CROCC: variants seen among roughly 807,000 people sequenced by gnomAD.
CROCC encodes rootletin.
CROCC carries 180 observed loss-of-function variants against 245.2 expected under a neutral mutation model. That is an observed-to-expected ratio of 0.73 (90% CI 0.65 to 0.83). CROCC has a LOEUF of 0.83. Ranked by LOEUF, CROCC falls within the 40% of genes least tolerant of loss-of-function variation. The probability of loss-of-function intolerance (pLI) is 0.00; values close to 1 mark genes in which losing one functional copy is unlikely to be tolerated. For missense variants in CROCC, 2,688 were observed against 2,779.4 expected (o/e 0.97, Z 0.74); for synonymous variants, 1,205 against 1,241.6 (o/e 0.97, Z 0.62).
chr1:16,970,348 C>T lies in CROCC; in HGVS notation c.5547C>T (p.Ser1849=), dbSNP rs927841146. The T allele has an allele frequency of 6.3e-7, 1 of 1,592,808 alleles. No individual in the cohort carries two copies. The highest frequency in any genetic ancestry group is 1.8e-5 in the Admixed American group (1 of 56,874). ...ERRLLQERLG[S]LQRALAQLEA... ...GGCTGCTGCAGGAGCGCCTGGGAAGCCTGCAGCGCGCCCTGGCTCAGCTGG... is the reference window on the plus strand; with the variant it reads ...GGCTGCTGCAGGAGCGCCTGGGAAGTCTGCAGCGCGCCCTGGCTCAGCTGG... The change falls in exon 34 of 37, where the codon AGC becomes AGT. Residue 1849 remains serine, a synonymous_variant. Coordinates refer to ENST00000375541, the MANE Select transcript of CROCC (RefSeq NM_014675.5).
intron 1 of CROCC, among the ~76,000 whole-genome samples, chr1:16,914,195 G>T (rs1284636505): frequency 2.0e-5 from 3 of 151,792 alleles, no homozygotes; most frequent in African/African-American, 7.2e-5. Context: ...TCCCGGCGGA[G>T]GAGGCCGCGC....
intron 13 of CROCC, among the ~76,000 whole-genome samples, chr1:16,940,421 C>G (rs2075904500): frequency 6.6e-6 from 1 of 151,452 alleles, no homozygotes; most frequent in African/African-American, 2.4e-5. Flanking sequence ...CGGAGTTTCA[C>G]TGTGTGGCCC....
At chr1:16,970,789 G>A (rs1426249778) in intron 35 of CROCC, 22 bp downstream of exon 35, 2 of 1,546,772 alleles carry the variant, frequency 1.3e-6, no homozygotes, top group Non-Finnish European at 8.7e-7. Flanking sequence ...CCCAGTCCGG[G>A]ACCCCAACTT....
Position 16,960,783 on chromosome 1 carries a change from A to C in CROCC, c.4058A>C (p.Gln1353Pro), listed in dbSNP as rs367951208. The change falls in exon 27 of 37, where the codon CAG (glutamine) becomes CCG (proline). Residue 1353 changes from glutamine to proline, a missense_variant. Around this residue, in one of 9 missense-constraint regions of CROCC, gnomAD observed 1,218 missense variants for 1,286.3 expected, o/e 0.95. Coordinates refer to ENST00000375541, the MANE Select transcript of CROCC (RefSeq NM_014675.5). ...CTCCAGGTAGCCCAGCGGAAGCTGC[A>C]GGAACAAGAAGGCGAGTTCCGGACC... ...QELQVAQRKL[Q>P]EQEGEFRTRE... The C allele has an allele frequency of 6.5e-7, 1 of 1,542,028 alleles. No homozygotes were observed. Among genetic ancestry groups the C allele is most frequent in the African/African-American group, 1.4e-5 (1 of 72,010 alleles).
At chr1:16,928,865 C>T (rs180991238) in intron 3 of CROCC, among the ~76,000 whole-genome samples, 39 of 152,264 alleles carry the variant, frequency 2.6e-4, no homozygotes, top group Non-Finnish European at 2.6e-4. Context: ...CTTGCTCTGT[C>T]GCCCAGGCTG....
upstream of CROCC, among the ~76,000 whole-genome samples, chr1:16,919,936 G>C (rs2075368009): frequency 6.6e-6 from 1 of 152,260 alleles, no homozygotes. Flanking sequence ...CTGTCACCCA[G>C]GCTGGAGTGC....
chr1:16,927,646 A>C (rs2075565810), intron 3 of CROCC, among the ~76,000 whole-genome samples: 1 of 152,288 alleles, frequency 6.6e-6, no homozygotes, highest in African/African-American at 2.4e-5. Flanking sequence ...TCCTGCGTGG[A>C]GACAAATGAC....
chr1:16,971,502 C>A lies in CROCC; in HGVS notation c.5822C>A (p.Ala1941Asp), dbSNP rs1183087093. Residue 1941 changes from alanine to aspartate, a missense_variant, in exon 36 of 37, where the codon GCC becomes GAC. Ala to Asp is a moderately radical substitution (Grantham distance 126, BLOSUM62 -2). Around this residue, in one of 9 missense-constraint regions of CROCC, gnomAD observed 1,218 missense variants for 1,286.3 expected, o/e 0.95. Coordinates refer to ENST00000375541, the MANE Select transcript of CROCC (RefSeq NM_014675.5). ...GTGCTGGAGCAGAGCCACAGCCCGG[C>A]CCAGCTGGAGGTGGATGCGCAGCAG... Reference protein sequence around the residue: ...VVVLEQSHSPAQLEVDAQQQQ... With the variant: ...VVVLEQSHSPDQLEVDAQQQQ... 6.5e-6 allele frequency: 10 copies of A among 1,536,916 alleles called. No homozygotes were observed. Among genetic ancestry groups the A allele is most frequent in the Non-Finnish European group, 8.7e-6 (10 of 1,146,408 alleles).
chr1:16,919,824 C>G (rs1316231605), upstream of CROCC, among the ~76,000 whole-genome samples: 1 of 152,290 alleles, frequency 6.6e-6, no homozygotes, highest in Non-Finnish European at 1.5e-5. Flanking sequence ...AAGCGATTCT[C>G]CCATTTTGGC....
rs189066999 is a variant in CROCC at position 16,955,114 on chromosome 1, A to G, written c.3466-198A>G. Among the ~76,000 whole-genome samples, 281 of 152,300 alleles carry G rather than the reference A, an allele frequency of 1.8e-3. 7 individuals carry two copies. In the South Asian group the frequency reaches 0.054, roughly 29 times the overall value. Reference sequence around the variant, plus strand: ...GCCCTCTTGGTGTTGTGCTCAGGACAGTCCTGATTGATGGTGACTTCAGGT... The same window carrying G: ...GCCCTCTTGGTGTTGTGCTCAGGACGGTCCTGATTGATGGTGACTTCAGGT... On this transcript the variant is annotated intron_variant, in intron 23 of 36. Coordinates refer to ENST00000375541, the MANE Select transcript of CROCC (RefSeq NM_014675.5).
chr1:16,933,694 T>A (rs529236245), intron 8 of CROCC, among the ~76,000 whole-genome samples: 5 of 152,386 alleles, frequency 3.3e-5, no homozygotes, highest in African/African-American at 9.6e-5. Flanking sequence ...GCCCCCTGCG[T>A]AGCTGGGATT....
chr1:16,915,836 A>G (rs2075296897), intron 1 of CROCC, among the ~76,000 whole-genome samples: 2 of 152,266 alleles, frequency 1.3e-5, no homozygotes, highest in Admixed American at 6.5e-5. Context: ...AGAAAGTGGC[A>G]GTGCAAAGGC....
At position 16,955,416 on chromosome 1, in the gene CROCC, C is replaced by A; in HGVS notation, c.3570C>A (p.Gly1190=). ...GCAAGCTGCGTGAGAGCCAGGAGGGCCGGGAGGTGCAGCGCCAGGAGGCAG... is the reference window on the plus strand; with the variant it reads ...GCAAGCTGCGTGAGAGCCAGGAGGGACGGGAGGTGCAGCGCCAGGAGGCAG... The part of the protein sequence containing the change: ...AQRKLRESQE[G]REVQRQEAGE... The change falls in exon 24 of 37, where the codon GGC becomes GGA. Residue 1190 remains glycine, a synonymous_variant. Transcript: ENST00000375541. 2 of 1,602,172 alleles carry A rather than the reference C, an allele frequency of 1.2e-6. No homozygotes were observed. Among genetic ancestry groups the A allele is most frequent in the South Asian group, 2.2e-5 (2 of 90,550 alleles).
In CROCC at chr1:16,968,314, C is replaced by T. The variant is rs909982790; in HGVS notation, c.4972C>T (p.Arg1658Trp). 9.7e-6 allele frequency: 15 copies of T among 1,549,730 alleles called. No individual in the cohort carries two copies. The highest frequency in any genetic ancestry group is 8.2e-5 in the African/African-American group (6 of 73,048). The part of the protein sequence containing the change: ...ESRTVKLELQ[R>W]RSLEGELQRS... ...CCGCACTGTCAAGCTGGAGCTGCAG[C>T]GGCGCTCGCTTGAGGGGGAGCTGCA... Residue 1658 changes from arginine (R) to tryptophan (W), a missense_variant, in exon 31 of 37, where the codon CGG (arginine) becomes TGG (tryptophan). Arg to Trp is a moderately radical substitution (Grantham distance 101). This residue lies in a region of CROCC where 1,218 missense variants were observed against 1,286.3 expected (regional missense o/e 0.95). Coordinates refer to ENST00000375541, the MANE Select transcript of CROCC (RefSeq NM_014675.5).
intron 27 of CROCC, among the ~76,000 whole-genome samples, chr1:16,961,534 G>A (rs895651804): frequency 2.0e-5 from 3 of 152,074 alleles, no homozygotes; most frequent in Non-Finnish European, 4.4e-5. Flanking sequence ...AGCCTCTCAG[G>A]GTTGGGATTA....
rs1045811708 is a variant in CROCC at position 16,928,752 on chromosome 1, G to A, written c.352-1094G>A. Among the ~76,000 whole-genome samples, 98 of 151,832 alleles carry A rather than the reference G, an allele frequency of 6.5e-4. 6 individuals are homozygous for A. Among genetic ancestry groups the A allele is most frequent in the South Asian group, 2.1e-4 (1 of 4,804 alleles). ...CGGGAGGTGTAGGTTGCAGTGATCC[G>A]AGATCGAGCCATTGCACTCCAGCCC... On this transcript the variant is annotated intron_variant, in intron 3 of 36. Coordinates refer to ENST00000375541, the MANE Select transcript of CROCC (RefSeq NM_014675.5).
At chr1:16,971,217 GT>G (rs1344304201) in intron 35 of CROCC, among the ~76,000 whole-genome samples, 4 of 38,670 alleles carry the variant, frequency 1.0e-4, no homozygotes, top group East Asian at 9.0e-4. Flanking sequence ...CTGAGTGTGT[GT>G]GTGTGTGTGT....
chr1:16,921,925 C>G, upstream of CROCC: 1 of 1,308,110 alleles, frequency 7.6e-7, no homozygotes, highest in Non-Finnish European at 1.1e-6. Flanking sequence ...CTGCCTGGTG[C>G]TCAGCACAGC....
rs1024026537 is a variant in CROCC at position 16,953,248 on chromosome 1, G to C, written c.3007-54G>C. 3.3e-6 allele frequency: 5 copies of C among 1,503,134 alleles called. No individual in the cohort carries two copies. In the East Asian group the frequency reaches 1.2e-4, roughly 37 times the overall value. The allele number at this position is 1,503,134 out of a possible 1,614,324, so 93.1% of individuals were successfully genotyped here. ...TCTTGCTGCCCTGATGTTTTGGGGG[G>C]TCTGCCTGGGCCCCCTCCTGGTGTG... On this transcript the variant is annotated intron_variant, in intron 20 of 36. Coordinates refer to ENST00000375541, the MANE Select transcript of CROCC (RefSeq NM_014675.5).
Sources: gnomAD v4.1 joint callset for allele counts (sites outside exome capture counted in the v4.1 genomes callset) on GRCh38, gnomAD v4.1.1 for gene constraint, gnomAD v4.1.1 regional missense constraint, MANE v1.5 for transcripts, NCBI Gene and HGNC (gene_info 2026-07-23, HGNC 2026-07-21) for gene names.